The following SYT2 variants were observed in gnomAD, a reference collection of about 807,000 sequenced individuals.
SYT2 encodes the protein synaptotagmin-2.
A neutral mutation model predicts 39.9 loss-of-function variants in SYT2; 15 were observed. The ratio of observed to expected loss-of-function variants is 0.38; its 90% CI spans 0.25 to 0.58. The LOEUF (loss-of-function observed/expected upper bound fraction) is 0.58, where lower values mean the gene tolerates loss of function less well. Among genes scored for constraint, SYT2 ranks in the 20% least tolerant of loss-of-function variants. The probability of loss-of-function intolerance (pLI) is 0.70; values close to 1 mark genes in which losing one functional copy is unlikely to be tolerated. For missense variants in SYT2, 389 were observed against 530.3 expected, an observed-to-expected ratio of 0.73 and a Z score of 2.62; for synonymous variants, 181 against 204.5, an observed-to-expected ratio of 0.89 and a Z score of 0.98.
intron 1 of SYT2, among the ~76,000 whole-genome samples, chr1:202,645,357 G>T (rs1692059010): frequency 6.6e-6 from 1 of 152,220 alleles, no homozygotes; most frequent in Non-Finnish European, 1.5e-5. Context: ...AAGTGCTTCT[G>T]TTTTGAAATC....
intron 1 of SYT2, among the ~76,000 whole-genome samples, chr1:202,615,949 A>G (rs1332720533): frequency 1.4e-4 from 22 of 152,290 alleles, no homozygotes; most frequent in African/African-American, 5.1e-4. Flanking sequence ...GCCCTGGAGA[A>G]ATCCCACTGA....
In SYT2 at chr1:202,599,021, G is replaced by A. The variant is rs1433006992; in HGVS notation, c.1053+197C>T. Among the ~76,000 whole-genome samples, 1 of 152,178 alleles carries A rather than the reference G, an allele frequency of 6.6e-6. No individual in the cohort carries two copies. The highest frequency in any genetic ancestry group is 1.5e-5 in the Non-Finnish European group (1 of 68,032). On this transcript the variant is annotated intron_variant, in intron 8 of 8. Coordinates refer to ENST00000367268, the MANE Select transcript of SYT2 (RefSeq NM_177402.5). The surrounding 1 kb of genome is among the most constrained non-coding windows in gnomAD (Gnocchi z 4.4). The stretch of plus-strand genomic sequence containing the variant: ...TGCAGAATTTTTTGAATTAGTTCAT[G>A]TTTATCTCCTCAGAAAAGGGGGATC...
chr1:202,624,154 CAT>C (rs1691279542), intron 1 of SYT2, among the ~76,000 whole-genome samples: 3 of 151,616 alleles, frequency 2.0e-5, no homozygotes, highest in Non-Finnish European at 2.9e-5. Context: ...TGTGAGTGTG[CAT>C]ATGTGGCGTG....
Position 202,593,170 on chromosome 1 carries a change from T to G in SYT2, c.*3587A>C, listed in dbSNP as rs561323674. ...TCCTGGCTCAATCTCTTTCTACCTT[T>G]GAGTGGGAGGGGACACCCTCAGGGA... On this transcript the variant is annotated 3_prime_UTR_variant, in exon 9 of 9. Transcript: ENST00000367268. 6.6e-6 allele frequency: 1 copy of G among 152,248 alleles called. No homozygotes were observed. The highest frequency in any genetic ancestry group is 2.4e-5 in the African/African-American group (1 of 41,426). 9.4% of individuals were successfully genotyped at this position (152,248 alleles called of 1,614,324 possible).
chr1:202,634,775 T>C (rs201623957), intron 1 of SYT2, among the ~76,000 whole-genome samples: 2 of 152,224 alleles, frequency 1.3e-5, no homozygotes, highest in Non-Finnish European at 2.9e-5. Flanking sequence ...AGGAAGCCAG[T>C]CACCAAAGAC....
chr1:202,620,709 C>T (rs767551911), intron 1 of SYT2, among the ~76,000 whole-genome samples: 9 of 152,034 alleles, frequency 5.9e-5, no homozygotes, highest in Non-Finnish European at 1.0e-4. Flanking sequence ...AGCCACAGTT[C>T]TTGTACCTAA....
chr1:202,709,206 G>A (rs1035947617), intron 1 of SYT2, among the ~76,000 whole-genome samples: 2 of 152,158 alleles, frequency 1.3e-5, no homozygotes, highest in Admixed American at 6.5e-5. Context: ...TCCTGGGCCA[G>A]CACCTCTTCT....
rs1387837062 is a variant in SYT2 at position 202,631,834 on chromosome 1, A to C, written c.-17-26045T>G. 2.6e-5 allele frequency among the ~76,000 whole-genome samples: 4 copies of C among 152,026 alleles called. No individual in the cohort carries two copies. The East Asian group carries it at 7.7e-4, about 29-fold the overall frequency. ...TATTGGGAGGGGTGTTATAGACAGG[A>C]CTCAGGTAAGGGGACACAGCGCTGA... On this transcript the variant is annotated intron_variant, in intron 1 of 8. Transcript: ENST00000367268.
At chr1:202,625,509 C>A (rs899104671) in intron 1 of SYT2, among the ~76,000 whole-genome samples, 2 of 151,332 alleles carry the variant, frequency 1.3e-5, no homozygotes, top group Non-Finnish European at 2.9e-5. Flanking sequence ...TGGCAGGTGC[C>A]CCCGTTCAAG....
intron 1 of SYT2, among the ~76,000 whole-genome samples, chr1:202,607,612 T>C (rs1210869446): frequency 6.6e-6 from 1 of 152,188 alleles, no homozygotes; most frequent in African/African-American, 2.4e-5. Flanking sequence ...TAAGTACTTC[T>C]GGTGGCCTGT....
intron 1 of SYT2, among the ~76,000 whole-genome samples, chr1:202,705,357 C>T (rs965025263): frequency 1.4e-4 from 22 of 152,240 alleles, no homozygotes; most frequent in African/African-American, 4.6e-4. Flanking sequence ...GAGCAGGAGG[C>T]GCAGGGAGGA....
At chr1:202,639,494 C>T (rs778394156) in intron 1 of SYT2, 84 of 985,196 alleles carry the variant, frequency 8.5e-5, no homozygotes, top group Non-Finnish European at 9.8e-5. Context: ...GATCCCACAG[C>T]CCCTTTCAGT....
At chr1:202,643,247 G>C (rs1349397252) in intron 1 of SYT2, 1 of 152,002 alleles carries the variant, frequency 6.6e-6, no homozygotes, top group Non-Finnish European at 1.5e-5. Flanking sequence ...GGCTGCCCTC[G>C]TGGGGTGCCC....
intron 1 of SYT2, among the ~76,000 whole-genome samples, chr1:202,635,076 T>C (rs1185216429): frequency 1.3e-5 from 2 of 152,256 alleles, no homozygotes; most frequent in Non-Finnish European, 2.9e-5. Context: ...AGTAAATATA[T>C]ATTTATAAAC....
chr1:202,673,961 C>A (rs949290561), intron 1 of SYT2, among the ~76,000 whole-genome samples: 5 of 151,646 alleles, frequency 3.3e-5, no homozygotes, highest in African/African-American at 7.3e-5. Flanking sequence ...GGGAACCTGC[C>A]GTTACATACA....
At chr1:202,697,394 T>C (rs1180495283) in intron 1 of SYT2, among the ~76,000 whole-genome samples, 1 of 152,270 alleles carries the variant, frequency 6.6e-6, no homozygotes, top group South Asian at 2.1e-4. Flanking sequence ...GGGAGGCACC[T>C]CTGCCCATGG....
rs1229324811 is a variant in SYT2, at chr1:202,632,165, T to G, written c.-17-26376A>C. On this transcript the variant is annotated intron_variant, in intron 1 of 8. Transcript: ENST00000367268. Reference sequence around the variant, plus strand: ...TGCAGTGTTGCCACCACTAGATAATTTGTGGGGCACATTGCTGTGGGGGTC... The same window carrying G: ...TGCAGTGTTGCCACCACTAGATAATGTGTGGGGCACATTGCTGTGGGGGTC... 8.6e-6 allele frequency: 7 copies of G among 817,880 alleles called. No individual in the cohort carries two copies. In the South Asian group the frequency reaches 3.9e-4, roughly 46 times the overall value. The allele number at this position is 817,880 out of a possible 1,614,324, so 50.7% of individuals were successfully genotyped here.
At chr1:202,631,131 A>G (rs1381865480) in intron 1 of SYT2, among the ~76,000 whole-genome samples, 18 of 152,170 alleles carry the variant, frequency 1.2e-4, no homozygotes, top group Admixed American at 1.2e-3. Flanking sequence ...CTGCCTCCCA[A>G]TCCAGTGCTC....
intron 1 of SYT2, among the ~76,000 whole-genome samples, chr1:202,708,466 G>A (rs1034420166): frequency 3.3e-5 from 5 of 151,994 alleles, no homozygotes; most frequent in African/African-American, 4.8e-5. Flanking sequence ...CCAAGCCTCT[G>A]GGGGGAGTCC....
Sources: allele counts gnomAD v4.1 joint callset (sites outside exome capture counted in the v4.1 genomes callset), GRCh38; gene constraint gnomAD v4.1.1; non-coding constraint Gnocchi (gnomAD v3.1); transcripts MANE v1.5; gene names NCBI Gene and HGNC (gene_info 2026-07-23, HGNC 2026-07-21).